YES1: variants seen among roughly 807,000 people sequenced by gnomAD.
The protein encoded by YES1 is YES proto-oncogene 1, Src family tyrosine kinase.
Under a neutral mutation model 70.4 loss-of-function variants are expected in YES1, and 39 were observed. That is an observed-to-expected ratio of 0.55 (90% CI 0.43 to 0.72). The LOEUF (loss-of-function observed/expected upper bound fraction) is 0.72. Ranked by LOEUF, YES1 falls within the 30% of genes least tolerant of loss-of-function variation. YES1 has a pLI of 0.00. For missense variants in YES1, 495 were observed against 644.8 expected, an observed-to-expected ratio of 0.77 and a Z score of 2.52; for synonymous variants, 198 against 218.6, an observed-to-expected ratio of 0.91 and a Z score of 0.83.
chr18:781,905 A>G (rs548062340), intron 1 of YES1, among the ~76,000 whole-genome samples: 1 of 152,322 alleles, frequency 6.6e-6, no homozygotes, highest in Admixed American at 6.5e-5. Flanking sequence ...ACAGAATCTG[A>G]CTAGAGGTAG....
At chr18:770,512 T>G (rs980627500) in intron 1 of YES1, among the ~76,000 whole-genome samples, 1 of 152,154 alleles carries the variant, frequency 6.6e-6, no homozygotes, top group African/African-American at 2.4e-5. Context: ...TAGCATTAAT[T>G]TTGACAAAGT....
At chr18:782,027 TTC>T (rs767039662) in intron 1 of YES1, among the ~76,000 whole-genome samples, 1 of 152,278 alleles carries the variant, frequency 6.6e-6, no homozygotes, top group Non-Finnish European at 1.5e-5. Context: ...GGTTCATTTC[TTC>T]TCTGTTTCTC....
chr18:789,634 C>G (rs964714434), intron 1 of YES1, among the ~76,000 whole-genome samples: 1 of 152,106 alleles, frequency 6.6e-6, no homozygotes, highest in African/African-American at 2.4e-5. Context: ...CGTTCTACAT[C>G]AATGAACTAC....
chr18:789,262 AAGAG>A (rs1348111801), intron 1 of YES1, among the ~76,000 whole-genome samples: 1 of 152,170 alleles, frequency 6.6e-6, no homozygotes, highest in South Asian at 2.1e-4. Context: ...ACTTATGTCA[AAGAG>A]AGAACAAAAC....
chr18:787,880 ATTAAT>A (rs1288668714), intron 1 of YES1: 1 of 152,168 alleles, frequency 6.6e-6, no homozygotes, highest in African/African-American at 2.4e-5. Context: ...CATATATCAA[ATTAAT>A]TTACTAGTTA....
At chr18:750,798 G>A (rs1466736968) in intron 3 of YES1, among the ~76,000 whole-genome samples, 3 of 152,084 alleles carry the variant, frequency 2.0e-5, no homozygotes, top group African/African-American at 7.2e-5. Flanking sequence ...GGGTGAGTAG[G>A]ATTAGCTAAA....
Position 724,604 on chromosome 18 carries a change from T to A in YES1, c.1452A>T (p.Gln484His). 1.9e-6 allele frequency: 3 copies of A among 1,614,148 alleles called. No individual in the cohort carries two copies. Among genetic ancestry groups the A allele is most frequent in the Non-Finnish European group, 2.5e-6 (3 of 1,179,996 alleles). Residue 484 changes from glutamine to histidine, a missense_variant, in exon 12 of 12, where the codon CAA (glutamine) becomes CAT (histidine). Physicochemically the swap from Gln to His is conservative, Grantham distance 24. This residue lies in a region of YES1 where 385 missense variants were observed against 540.9 expected (regional missense o/e 0.71). Transcript: ENST00000314574. ...ACGGCATCCTGTATCCTCGCTCCAC[T>A]TGTTCTAATACTTCACGGTTCACCA... is the stretch of plus-strand genomic sequence containing the variant. ...PGMVNREVLEQVERGYRMPCP... is the reference protein window; with the variant it reads ...PGMVNREVLEHVERGYRMPCP...
At position 811,217 on chromosome 18, in the gene YES1, T is replaced by A. The variant is rs374807541; in HGVS notation, c.-9+897A>T. Among the ~76,000 whole-genome samples the A allele has an allele frequency of 1.4e-4, 22 of 152,362 alleles. 1 individual carries two copies. Among genetic ancestry groups the A allele is most frequent in the African/African-American group, 5.3e-4 (22 of 41,588 alleles). Reference sequence around the variant, plus strand: ...ATAATAAATGGACATAAAATTGTGCTTCCACCAAAGACTTTCATTATTTCC... The same window carrying A: ...ATAATAAATGGACATAAAATTGTGCATCCACCAAAGACTTTCATTATTTCC... On this transcript the variant is annotated intron_variant, in intron 1 of 11. Transcript: ENST00000314574.
Position 745,753 on chromosome 18 carries a change from TGGTTGTGATATA to T in YES1, c.667_678del (p.Tyr223_Thr226del). 6.2e-7 allele frequency: 1 copy of T among 1,613,342 alleles called. No individual in the cohort carries two copies. Among genetic ancestry groups the T allele is most frequent in the Non-Finnish European group, 8.5e-7 (1 of 1,179,784 alleles). On this transcript the variant is annotated inframe_deletion, in exon 6 of 12. Transcript: ENST00000314574. Reference sequence around the variant, plus strand: ...TTCTGCAGAGTATCAAATTGTGCTCTGGTTGTGATATAGTATCCACCATTGTCAAGTTTCCTA... The same window carrying T: ...TTCTGCAGAGTATCAAATTGTGCTCTGTATCCACCATTGTCAAGTTTCCTA...
rs539311277 is a variant in YES1 at position 754,996 on chromosome 18, C to T, written c.271+1561G>A. ...AATGAATACCCCTAATAGAATATTT[C>T]ATATAAGTAAATTGCTTTAGGTAAC... On this transcript the variant is annotated intron_variant, in intron 2 of 11. Transcript: ENST00000314574. Among the ~76,000 whole-genome samples the T allele has an allele frequency of 1.2e-4, 18 of 152,232 alleles. 1 individual carries two copies. The highest frequency in any genetic ancestry group is 1.0e-3 in the South Asian group (5 of 4,826).
chr18:766,870 TTC>T lies in YES1; in HGVS notation c.-8-10037_-8-10036del, dbSNP rs1904935946. The stretch of plus-strand genomic sequence containing the variant: ...ATTCTTTATATATTCTGGAATCTAG[TTC>T]TCTGTCAGATGTTTATACTAAACTG... On this transcript the variant is annotated intron_variant, in intron 1 of 11. Transcript: ENST00000314574. 2.0e-5 allele frequency among the ~76,000 whole-genome samples: 3 copies of T among 152,340 alleles called. No individual in the cohort carries two copies. The South Asian group carries it at 6.2e-4, about 32-fold the overall frequency.
intron 6 of YES1, among the ~76,000 whole-genome samples, chr18:744,270 G>A (rs910996469): frequency 2.6e-5 from 4 of 151,502 alleles, no homozygotes; most frequent in African/African-American, 9.7e-5. Context: ...TTGTACACTG[G>A]GTTTTATTAA....
rs776905108 is a variant in YES1 at position 732,927 on chromosome 18, C to A, written c.1330G>T (p.Ala444Ser). The change falls in exon 11 of 12, where the codon GCA becomes TCA. Residue 444 changes from alanine (A) to serine (S), a missense_variant. This residue lies in a region of YES1 where 385 missense variants were observed against 540.9 expected (regional missense o/e 0.71). Transcript: ENST00000314574. ...TTTATTGTAAACCGACCATACAGTGCAGCTTCAGGAGCTGTCCATTTGATT... is the reference window on the plus strand; with the variant it reads ...TTTATTGTAAACCGACCATACAGTGAAGCTTCAGGAGCTGTCCATTTGATT... ...FPIKWTAPEA[A>S]LYGRFTIKSD... 1 of 1,614,164 alleles carries A rather than the reference C, an allele frequency of 6.2e-7. No individual in the cohort carries two copies. The highest frequency in any genetic ancestry group is 1.1e-5 in the South Asian group (1 of 91,076).
chr18:793,850 T>C (rs1906399133), intron 1 of YES1, among the ~76,000 whole-genome samples: 1 of 152,038 alleles, frequency 6.6e-6, no homozygotes, highest in Admixed American at 6.6e-5. Flanking sequence ...ACACAGAATC[T>C]GAGCATCAAG....
intron 1 of YES1, among the ~76,000 whole-genome samples, chr18:794,839 C>T (rs971720996): frequency 3.3e-5 from 5 of 151,732 alleles, no homozygotes; most frequent in Non-Finnish European, 7.4e-5. Flanking sequence ...TTTTTTGAGA[C>T]GGAGTCTCAC....
At chr18:749,304 G>T (rs1018289102) in intron 3 of YES1, among the ~76,000 whole-genome samples, 2 of 151,348 alleles carry the variant, frequency 1.3e-5, no homozygotes, top group Non-Finnish European at 2.9e-5. Context: ...GACCAGCCTG[G>T]CCAACATGGT....
At chr18:798,417 A>G (rs1906649621) in intron 1 of YES1, among the ~76,000 whole-genome samples, 1 of 152,158 alleles carries the variant, frequency 6.6e-6, no homozygotes, top group Non-Finnish European at 1.5e-5. Flanking sequence ...TCTACTTGAC[A>G]TTTGTTATGA....
intron 1 of YES1, among the ~76,000 whole-genome samples, chr18:767,990 T>C (rs1171746317): frequency 2.6e-5 from 4 of 152,196 alleles, no homozygotes; most frequent in Admixed American, 2.6e-4. Flanking sequence ...CATGAGCCAC[T>C]GTGCCCAGCC....
chr18:747,399 G>A (rs567180506), intron 4 of YES1, among the ~76,000 whole-genome samples: 1 of 152,284 alleles, frequency 6.6e-6, no homozygotes, highest in East Asian at 1.9e-4. Flanking sequence ...AGCCTGGGAG[G>A]TAGAGGTTGC....
Sources: gnomAD v4.1 joint callset for allele counts (sites outside exome capture counted in the v4.1 genomes callset) on GRCh38, gnomAD v4.1.1 for gene constraint, gnomAD v4.1.1 regional missense constraint, MANE v1.5 for transcripts, NCBI Gene and HGNC (gene_info 2026-07-23, HGNC 2026-07-21) for gene names.